Variants in MYH11 observed in about 807,000 individuals in gnomAD.
MYH11 encodes the protein myosin-11.
Under a neutral mutation model 246.6 loss-of-function variants are expected in MYH11, and 80 were observed. The ratio of observed to expected loss-of-function variants is 0.32; its 90% CI spans 0.27 to 0.39. The LOEUF (loss-of-function observed/expected upper bound fraction) is 0.39, where lower values mean the gene tolerates loss of function less well. Among genes scored for constraint, MYH11 ranks in the 10% least tolerant of loss-of-function variants. The pLI is 1.00. For missense variants in MYH11, 2,158 were observed against 2,546.8 expected, an observed-to-expected ratio of 0.85 and a Z score of 3.29; for synonymous variants, 1,071 against 1,015.5, an observed-to-expected ratio of 1.05 and a Z score of -1.04.
Position 15,747,693 on chromosome 16 carries a change from A to G in MYH11, c.2288T>C (p.Ile763Thr), listed in dbSNP as rs944017240. 5.0e-6 allele frequency: 8 copies of G among 1,613,904 alleles called. No individual in the cohort carries two copies. Among genetic ancestry groups the G allele is most frequent in the Non-Finnish European group, 5.1e-6 (6 of 1,180,006 alleles). Residue 763 changes from isoleucine (I) to threonine (T), a missense_variant, in exon 19 of 41, where the codon ATA becomes ACA. Ile to Thr is a moderately conservative substitution (Grantham distance 89). Around this residue, in one of 11 missense-constraint regions of MYH11, gnomAD observed 56 missense variants for 47.2 expected, o/e 1.19. Coordinates refer to ENST00000300036, the MANE Select transcript of MYH11 (RefSeq NM_002474.3). The part of the protein sequence containing the change: ...ALELDPNLYR[I>T]GQSKIFFRTG... Reference sequence around the variant, plus strand: ...TCGGAAGAAGATTTTGCTCTGCCCTATCCTGTATAAGTTGGGGTCAAGTTC... The same window carrying G: ...TCGGAAGAAGATTTTGCTCTGCCCTGTCCTGTATAAGTTGGGGTCAAGTTC...
chr16:15,765,723 C>G (rs2041967263), intron 9 of MYH11, among the ~76,000 whole-genome samples: 1 of 152,182 alleles, frequency 6.6e-6, no homozygotes, highest in South Asian at 2.1e-4. Flanking sequence ...CTGCTGACCA[C>G]CCATCCATTT....
At chr16:15,779,306 T>C (rs556847371) in intron 6 of MYH11, 2 of 223,708 alleles carry the variant, frequency 8.9e-6, no homozygotes, top group South Asian at 1.1e-4. Context: ...ATCTGGCTAA[T>C]TTTTAAATTT....
rs566505610 is a variant in MYH11 at position 15,851,452 on chromosome 16, A to G, written c.-18+5489T>C. Among the ~76,000 whole-genome samples, 7 of 152,290 alleles carry G rather than the reference A, an allele frequency of 4.6e-5. No homozygotes were observed. The South Asian group carries it at 1.5e-3, about 32-fold the overall frequency. On this transcript the variant is annotated intron_variant, in intron 1 of 40. Transcript: ENST00000300036. ...CTGCTAAGATGACCGAGGTCCTGGAAGGTAAATGCAAGACCCCCACTTGTA... is the reference window on the plus strand; with the variant it reads ...CTGCTAAGATGACCGAGGTCCTGGAGGGTAAATGCAAGACCCCCACTTGTA...
intron 32 of MYH11, 123 bp from the exon 33 acceptor site, chr16:15,721,174 G>A (rs760090320): frequency 1.1e-5 from 12 of 1,123,158 alleles, no homozygotes; most frequent in Non-Finnish European, 1.4e-5. Flanking sequence ...CAGGATGCAT[G>A]GCCGGGACTC....
Position 15,747,909 on chromosome 16 carries a change from C to G in MYH11, c.2215G>C (p.Gly739Arg), listed in dbSNP as rs1381044168. The change falls in exon 18 of 41, where the codon GGC (glycine) becomes CGC (arginine). Residue 739 changes from glycine (G) to arginine (R), a missense_variant. Gly to Arg is a moderately radical substitution (Grantham distance 125). Around this residue, in one of 11 missense-constraint regions of MYH11, gnomAD observed 56 missense variants for 47.2 expected, o/e 1.19. Coordinates refer to ENST00000300036, the MANE Select transcript of MYH11 (RefSeq NM_002474.3). ...CAGGCCTGCTTCCCGTCCATGAAGC[C>G]TTTGGGGATGGCATTCGCCGCCAGG... ...EILAANAIPK[G>R]FMDGKQACIL... The G allele has an allele frequency of 6.2e-7, 1 of 1,613,978 alleles. No individual in the cohort carries two copies. Among genetic ancestry groups the G allele is most frequent in the East Asian group, 2.2e-5 (1 of 44,868 alleles).
At chr16:15,746,668 C>T (rs2041425977) in intron 19 of MYH11, among the ~76,000 whole-genome samples, 1 of 152,136 alleles carries the variant, frequency 6.6e-6, no homozygotes, top group African/African-American at 2.4e-5. Context: ...CGAACCCTTC[C>T]CCGGCTCCCA....
At chr16:15,854,432 T>C (rs2044409255) in intron 1 of MYH11, among the ~76,000 whole-genome samples, 2 of 152,220 alleles carry the variant, frequency 1.3e-5, no homozygotes, top group Non-Finnish European at 2.9e-5. Context: ...AATCTTCTTT[T>C]CCTTACTGGT....
rs144800561 is a variant in MYH11 at position 15,783,744 on chromosome 16, T to C, written c.634-1267A>G. Among the ~76,000 whole-genome samples, 6 of 152,192 alleles carry C rather than the reference T, an allele frequency of 3.9e-5. No homozygotes were observed. In the East Asian group the frequency reaches 1.2e-3, roughly 29 times the overall value. On this transcript the variant is annotated intron_variant, in intron 5 of 40. Transcript: ENST00000300036. ...AGAATGGGGATTCTGGCAGGTAAGG[T>C]TGAAAAGTCTTGGCAAGAGAGCTTT... is the stretch of plus-strand genomic sequence containing the variant.
intron 2 of MYH11, among the ~76,000 whole-genome samples, chr16:15,832,175 G>A (rs886134779): frequency 1.3e-5 from 2 of 152,112 alleles, no homozygotes; most frequent in Non-Finnish European, 2.9e-5. Flanking sequence ...TGGAAGGAGG[G>A]CTTCTCCTGA....
In MYH11 at chr16:15,750,129, G is replaced by A. The variant is rs367613458; in HGVS notation, c.2058+9C>T. ...CTGGGAGCCCCAGGGTCTGGGCGGCGGGCCTCACCCTCTTCTCGTGGTTGG... is the reference window on the plus strand; with the variant it reads ...CTGGGAGCCCCAGGGTCTGGGCGGCAGGCCTCACCCTCTTCTCGTGGTTGG... On this transcript the variant is annotated intron_variant, in intron 16 of 40. Transcript: ENST00000300036. The surrounding 1 kb of genome is among the most constrained non-coding windows in gnomAD (Gnocchi z 4.3). 2.4e-5 allele frequency: 39 copies of A among 1,613,938 alleles called. No individual in the cohort carries two copies. In the East Asian group the frequency reaches 4.9e-4, roughly 20 times the overall value.
chr16:15,749,681 C>T (rs1438584871), intron 16 of MYH11: 1 of 241,390 alleles, frequency 4.1e-6, no homozygotes, highest in African/African-American at 2.2e-5. Flanking sequence ...TAGGGCATCC[C>T]TGGCCCCTAC....
intron 28 of MYH11, chr16:15,725,323 G>C (rs1309799124): frequency 1.8e-6 from 1 of 563,400 alleles, no homozygotes; most frequent in East Asian, 3.0e-5. Context: ...GGTTGGTAGA[G>C]ACAAAGCAGC....
At position 15,841,889 on chromosome 16, in the gene MYH11, T is replaced by A. The variant is rs1749631444; in HGVS notation, c.-17-3620A>T. ...TTCACAACTCCTTTGAATTCACTGA[T>A]AATCCCCACGCTTGGGCCCCAAATC... On this transcript the variant is annotated intron_variant, in intron 1 of 40. Coordinates refer to ENST00000300036, the MANE Select transcript of MYH11 (RefSeq NM_002474.3). 2.6e-5 allele frequency among the ~76,000 whole-genome samples: 4 copies of A among 152,186 alleles called. No individual in the cohort carries two copies. In the South Asian group the frequency reaches 8.3e-4, roughly 32 times the overall value.
At chr16:15,741,332 C>A in intron 22 of MYH11, 131 bp downstream of exon 22, 1 of 1,054,384 alleles carries the variant, frequency 9.5e-7, no homozygotes, top group Non-Finnish European at 1.5e-6. Flanking sequence ...ATCAGATGAC[C>A]AACCCTCTCC....
At chr16:15,744,801 C>T (rs990406107) in intron 20 of MYH11, among the ~76,000 whole-genome samples, 1 of 152,256 alleles carries the variant, frequency 6.6e-6, no homozygotes, top group Non-Finnish European at 1.5e-5. Flanking sequence ...CCGCCCCCGG[C>T]AGCATTCTTG....
At chr16:15,806,826 G>A (rs1002190640) in intron 3 of MYH11, among the ~76,000 whole-genome samples, 41 of 152,110 alleles carry the variant, frequency 2.7e-4, no homozygotes, top group Admixed American at 9.2e-4. Flanking sequence ...TTGTTATTTT[G>A]AATTGCTCTC....
chr16:15,728,046 T>C (rs2151228197), intron 27 of MYH11, among the ~76,000 whole-genome samples: 1 of 152,302 alleles, frequency 6.6e-6, no homozygotes, highest in African/African-American at 2.4e-5. Flanking sequence ...CTGGCCAACA[T>C]GGCGAAACTG....
intron 40 of MYH11, among the ~76,000 whole-genome samples, chr16:15,706,969 C>T (rs1222014120): frequency 2.6e-5 from 4 of 152,180 alleles, no homozygotes; most frequent in Non-Finnish European, 5.9e-5. Flanking sequence ...CCAAGGTTGA[C>T]ACCAACTATA....
Position 15,721,523 on chromosome 16 carries a change from C to T in MYH11, c.4477G>A (p.Glu1493Lys). The stretch of plus-strand genomic sequence containing the variant: ...TCCTCTTTGGCTTCCAAGGCCTCTT[C>T]AAGGGCCCGAGCCAGGGACAGGGCC... ...TKALSLARALEEALEAKEELE... is the reference protein window; with the variant it reads ...TKALSLARALKEALEAKEELE... The change falls in exon 32 of 41, where the codon GAA (glutamate) becomes AAA (lysine). Residue 1493 changes from glutamate to lysine, a missense_variant. Glu to Lys is a moderately conservative substitution (Grantham distance 56). This residue lies in a region of MYH11 where 1,013 missense variants were observed against 993.5 expected (regional missense o/e 1.02). Coordinates refer to ENST00000300036, the MANE Select transcript of MYH11 (RefSeq NM_002474.3). The T allele has an allele frequency of 6.2e-7, 1 of 1,614,214 alleles. No individual in the cohort carries two copies. The highest frequency in any genetic ancestry group is 1.3e-5 in the African/African-American group (1 of 75,060).
Sources: allele counts gnomAD v4.1 joint callset (sites outside exome capture counted in the v4.1 genomes callset), GRCh38; gene constraint gnomAD v4.1.1; regional missense constraint gnomAD v4.1.1; non-coding constraint Gnocchi (gnomAD v3.1); transcripts MANE v1.5; gene names NCBI Gene and HGNC (gene_info 2026-07-23, HGNC 2026-07-21).